Variants in RNGTT observed in about 807,000 individuals in gnomAD.
RNGTT encodes RNA guanylyltransferase and 5'-phosphatase, also known as mRNA-capping enzyme.
Under a neutral mutation model 79.3 loss-of-function variants are expected in RNGTT, and 33 were observed. The observed-to-expected ratio is 0.42, with a 90% CI of 0.32 to 0.56. The LOEUF (loss-of-function observed/expected upper bound fraction) is 0.56, where lower values mean the gene tolerates loss of function less well. Among genes scored for constraint, RNGTT ranks in the 20% least tolerant of loss-of-function variants. The pLI is 0.17. For synonymous variants in RNGTT, 222 were observed against 235.9 expected, an observed-to-expected ratio of 0.94 and a Z score of 0.54; for missense variants, 497 against 739.1, an observed-to-expected ratio of 0.67 and a Z score of 3.80.
At chr6:88,827,825 C>T (rs1467659597) in intron 11 of RNGTT, among the ~76,000 whole-genome samples, 2 of 152,154 alleles carry the variant, frequency 1.3e-5, no homozygotes, top group South Asian at 2.1e-4. Flanking sequence ...CTGCTGTAGC[C>T]GGACTGCCTC....
At chr6:88,784,304 G>A (rs1157303913) in intron 12 of RNGTT, among the ~76,000 whole-genome samples, 2 of 152,066 alleles carry the variant, frequency 1.3e-5, no homozygotes, top group Non-Finnish European at 2.9e-5. Context: ...GATGGTCTCT[G>A]TCTTCATGGT....
At chr6:88,652,381 T>C (rs1045106947) in intron 14 of RNGTT, among the ~76,000 whole-genome samples, 6 of 152,244 alleles carry the variant, frequency 3.9e-5, no homozygotes, top group African/African-American at 9.6e-5. Flanking sequence ...ATAATAAAAT[T>C]TGAGGACATG....
intron 11 of RNGTT, among the ~76,000 whole-genome samples, chr6:88,837,548 C>A (rs1481316675): frequency 1.3e-5 from 2 of 150,968 alleles, no homozygotes; most frequent in African/African-American, 2.4e-5. Context: ...TTATAAACAT[C>A]AATGCAAAAA....
At chr6:88,858,139 A>G (rs9344881) in intron 8 of RNGTT, among the ~76,000 whole-genome samples, 6,250 of 152,264 alleles carry the variant, frequency 0.041, 190 homozygotes, top group African/African-American at 0.077. Flanking sequence ...AAAGCTGATC[A>G]TTTACATTGA....
intron 14 of RNGTT, among the ~76,000 whole-genome samples, chr6:88,645,400 A>T (rs1290654343): frequency 1.3e-5 from 2 of 152,232 alleles, no homozygotes; most frequent in Non-Finnish European, 2.9e-5. Context: ...GGTAGGAAGA[A>T]TCAATATCGT....
At chr6:88,719,675 T>C (rs1430187508) in intron 13 of RNGTT, among the ~76,000 whole-genome samples, 1 of 152,230 alleles carries the variant, frequency 6.6e-6, no homozygotes, top group Non-Finnish European at 1.5e-5. Context: ...ATTTTATCTA[T>C]ATTAAAAAGC....
intron 13 of RNGTT, among the ~76,000 whole-genome samples, chr6:88,683,010 C>T (rs111604057): frequency 5.9e-5 from 9 of 151,938 alleles, no homozygotes; most frequent in African/African-American, 2.2e-4. Flanking sequence ...ATTTACAATC[C>T]AAAATATATA....
chr6:88,620,977 T>C (rs536237195), intron 14 of RNGTT, among the ~76,000 whole-genome samples: 7 of 152,320 alleles, frequency 4.6e-5, no homozygotes, highest in African/African-American at 7.2e-5. Context: ...GTTTGAGAAG[T>C]TGTATGCTCT....
chr6:88,649,536 A>G (rs901943221), intron 14 of RNGTT, among the ~76,000 whole-genome samples: 1 of 152,066 alleles, frequency 6.6e-6, no homozygotes, highest in Non-Finnish European at 1.5e-5. Context: ...TCTTTAATAA[A>G]AATACAAAAA....
chr6:88,843,645 A>G (rs546522516), intron 11 of RNGTT, among the ~76,000 whole-genome samples: 40 of 127,016 alleles, frequency 3.1e-4, no homozygotes, highest in African/African-American at 1.2e-3. Flanking sequence ...TGCAACCTCC[A>G]CCTTCTGAGT....
chr6:88,632,910 C>T (rs1225598346), intron 14 of RNGTT, among the ~76,000 whole-genome samples: 1 of 152,182 alleles, frequency 6.6e-6, no homozygotes, highest in Non-Finnish European at 1.5e-5. Flanking sequence ...TGCCACCTTC[C>T]TTTCCCACAT....
At chr6:88,741,547 T>G (rs1018019177) in intron 13 of RNGTT, among the ~76,000 whole-genome samples, 4 of 152,038 alleles carry the variant, frequency 2.6e-5, no homozygotes, top group Admixed American at 6.6e-5. Flanking sequence ...ATATACCCCA[T>G]GTTACAAACC....
intron 13 of RNGTT, among the ~76,000 whole-genome samples, chr6:88,759,987 T>C (rs1778154243): frequency 6.6e-6 from 1 of 152,146 alleles, no homozygotes; most frequent in Non-Finnish European, 1.5e-5. Context: ...TTAATGAAAA[T>C]ATATATTAAT....
intron 14 of RNGTT, among the ~76,000 whole-genome samples, chr6:88,674,014 G>A (rs1774758799): frequency 6.6e-6 from 1 of 152,136 alleles, no homozygotes; most frequent in South Asian, 2.1e-4. Flanking sequence ...ATAGCGAGGG[G>A]GGTTTATGAA....
chr6:88,946,587 T>C (rs1327724823), intron 1 of RNGTT, among the ~76,000 whole-genome samples: 1 of 151,828 alleles, frequency 6.6e-6, no homozygotes, highest in African/African-American at 2.4e-5. Flanking sequence ...TTGCACCAGT[T>C]AGCCAAGTTG....
intron 14 of RNGTT, among the ~76,000 whole-genome samples, chr6:88,650,029 A>AG (rs1562170957): frequency 6.6e-6 from 1 of 152,248 alleles, no homozygotes; most frequent in Non-Finnish European, 1.5e-5. Context: ...TCAAACCAGT[A>AG]AAAGCACCTG....
intron 13 of RNGTT, among the ~76,000 whole-genome samples, chr6:88,683,659 A>T (rs1436591956): frequency 1.3e-5 from 2 of 152,206 alleles, no homozygotes; most frequent in African/African-American, 4.8e-5. Flanking sequence ...TTTTCAAAAG[A>T]CATGTGAAAA....
intron 1 of RNGTT, among the ~76,000 whole-genome samples, chr6:88,945,736 T>C (rs1784987102): frequency 6.6e-6 from 1 of 152,172 alleles, no homozygotes; most frequent in South Asian, 2.1e-4. Flanking sequence ...TCTCTTGTAG[T>C]TGAGTGAGGG....
At chr6:88,680,369 A>T (rs1433535305) in intron 13 of RNGTT, among the ~76,000 whole-genome samples, 1 of 152,184 alleles carries the variant, frequency 6.6e-6, no homozygotes, top group Non-Finnish European at 1.5e-5. Context: ...CCACGAAAGC[A>T]GTCTCAAAGC....
Sources: allele counts gnomAD v4.1 joint callset (sites outside exome capture counted in the v4.1 genomes callset), GRCh38; gene constraint gnomAD v4.1.1; transcripts MANE v1.5; gene names NCBI Gene and HGNC (gene_info 2026-07-23, HGNC 2026-07-21).